Variants in NCAPD3 observed in about 807,000 individuals in gnomAD.
The protein encoded by NCAPD3 is condensin-2 complex subunit D3.
In NCAPD3, 105 loss-of-function variants were observed where a neutral mutation model predicts 182.9. The observed-to-expected ratio is 0.57, with a 90% CI of 0.49 to 0.68. The LOEUF (loss-of-function observed/expected upper bound fraction) is 0.68. NCAPD3 is among the 30% of genes least tolerant of loss of function. NCAPD3 has a pLI of 0.00. For synonymous variants in NCAPD3, 815 were observed against 679.9 expected, an observed-to-expected ratio of 1.20 and a Z score of -3.09; for missense variants, 1,944 against 1,837.0, an observed-to-expected ratio of 1.06 and a Z score of -1.07.
At chr11:134,180,733 C>A (rs1467169664) in intron 20 of NCAPD3, among the ~76,000 whole-genome samples, 1 of 152,006 alleles carries the variant, frequency 6.6e-6, no homozygotes, top group East Asian at 1.9e-4. Flanking sequence ...ACACACAAAC[C>A]AAAAACACTA....
chr11:134,217,918 G>A (rs776793966), intron 2 of NCAPD3, among the ~76,000 whole-genome samples: 1 of 152,060 alleles, frequency 6.6e-6, no homozygotes, highest in African/African-American at 2.4e-5. Flanking sequence ...GGGCAACAAA[G>A]CAAGACCTTG....
intron 24 of NCAPD3, among the ~76,000 whole-genome samples, chr11:134,175,219 G>A (rs1465619177): frequency 6.6e-6 from 1 of 152,170 alleles, no homozygotes; most frequent in Non-Finnish European, 1.5e-5. Flanking sequence ...AGGAAATGCA[G>A]GTTAAGTAAC....
intron 24 of NCAPD3, among the ~76,000 whole-genome samples, chr11:134,176,050 C>G (rs1333897243): frequency 6.6e-6 from 1 of 151,680 alleles, no homozygotes. Flanking sequence ...CCTTCAGGAA[C>G]AGCAAACACT....
Position 134,204,832 on chromosome 11 carries a change from C to G in NCAPD3, c.1089+67G>C. Reference sequence around the variant, plus strand: ...GAACAAATACCCACACTCACACACACACACACACATTTATCTTCACACACG... The same window carrying G: ...GAACAAATACCCACACTCACACACAGACACACACATTTATCTTCACACACG... On this transcript the variant is annotated intron_variant, in intron 9 of 34. Transcript: ENST00000534548. The surrounding 1 kb of genome is among the most constrained non-coding windows in gnomAD (Gnocchi z 4.3). 7.5e-7 allele frequency: 1 copy of G among 1,328,154 alleles called. No homozygotes were observed. Among genetic ancestry groups the G allele is most frequent in the African/African-American group, 1.5e-5 (1 of 68,600 alleles). The allele number at this position is 1,328,154 out of a possible 1,614,324, so 82.3% of individuals were successfully genotyped here. A position where few individuals can be genotyped will look rare whatever the true frequency, so the allele number is the denominator to read the frequency against.
chr11:134,164,352 C>A (rs1482661921), intron 27 of NCAPD3, among the ~76,000 whole-genome samples: 1 of 152,202 alleles, frequency 6.6e-6, no homozygotes, highest in Non-Finnish European at 1.5e-5. Context: ...TCAGAGACAC[C>A]CGGAGCACGT....
intron 27 of NCAPD3, among the ~76,000 whole-genome samples, chr11:134,167,757 G>C (rs1418377290): frequency 1.5e-5 from 2 of 132,696 alleles, no homozygotes; most frequent in Admixed American, 1.6e-4. Flanking sequence ...AGGGAGAGCA[G>C]CACACTCACT....
chr11:134,168,861 G>T, intron 25 of NCAPD3, 56 bp downstream of exon 25: 1 of 1,570,446 alleles, frequency 6.4e-7, no homozygotes, highest in East Asian at 2.2e-5. Context: ...AACCTCCCCT[G>T]ATTCCCCCAG....
At chr11:134,197,414 T>C (rs1208831538) in intron 13 of NCAPD3, among the ~76,000 whole-genome samples, 1 of 151,718 alleles carries the variant, frequency 6.6e-6, no homozygotes, top group Non-Finnish European at 1.5e-5. Flanking sequence ...GTAGCTGAGA[T>C]TACAGGCACC....
chr11:134,182,770 T>C (rs968190396), intron 19 of NCAPD3, among the ~76,000 whole-genome samples: 5 of 152,214 alleles, frequency 3.3e-5, no homozygotes, highest in African/African-American at 9.7e-5. Flanking sequence ...AGCTATATCT[T>C]TGGGTAATCT....
chr11:134,168,819 G>T, intron 25 of NCAPD3, 98 bp downstream of exon 25: 6 of 1,473,816 alleles, frequency 4.1e-6, no homozygotes, highest in Non-Finnish European at 4.6e-6. Flanking sequence ...CTGGGGCAGG[G>T]TCTGCGTCCA....
chr11:134,214,138 G>A (rs1591863787), intron 3 of NCAPD3, among the ~76,000 whole-genome samples: 1 of 148,230 alleles, frequency 6.7e-6, no homozygotes, highest in Non-Finnish European at 1.5e-5. Flanking sequence ...AAGTGCAAAT[G>A]GAAGATTCAC....
At chr11:134,190,352 C>G (rs1944497535) in intron 16 of NCAPD3, among the ~76,000 whole-genome samples, 1 of 152,218 alleles carries the variant, frequency 6.6e-6, no homozygotes, top group African/African-American at 2.4e-5. Flanking sequence ...CTCAGTTAAT[C>G]ATCCTCATAT....
intron 24 of NCAPD3, among the ~76,000 whole-genome samples, chr11:134,175,377 A>G (rs1247085346): frequency 6.6e-6 from 1 of 152,234 alleles, no homozygotes; most frequent in African/African-American, 2.4e-5. Context: ...GCTATCTAAA[A>G]AAAGGTGACA....
At chr11:134,184,255 C>A (rs1250879273) in intron 19 of NCAPD3, among the ~76,000 whole-genome samples, 1 of 152,208 alleles carries the variant, frequency 6.6e-6, no homozygotes, top group Non-Finnish European at 1.5e-5. Flanking sequence ...AGGTCAGAAA[C>A]CTGTTCTGGA....
chr11:134,213,227 G>A (rs531923861), intron 3 of NCAPD3, among the ~76,000 whole-genome samples: 1 of 152,246 alleles, frequency 6.6e-6, no homozygotes, highest in South Asian at 2.1e-4. Context: ...TGTAGTTCCA[G>A]CTATTCTGGA....
intron 25 of NCAPD3, 150 bp from the exon 26 acceptor site, chr11:134,168,752 G>A: frequency 7.3e-7 from 1 of 1,378,310 alleles, no homozygotes; most frequent in Non-Finnish European, 9.9e-7. Flanking sequence ...CTGCCCTTAG[G>A]AAGCGATTCT....
intron 15 of NCAPD3, 107 bp downstream of exon 15, chr11:134,193,909 T>TC: frequency 8.6e-7 from 1 of 1,162,728 alleles, no homozygotes; most frequent in South Asian, 1.5e-5. Flanking sequence ...GTGGACTTAG[T>TC]AGAGTTTTTA....
intron 24 of NCAPD3, among the ~76,000 whole-genome samples, chr11:134,172,247 A>G (rs1006204586): frequency 6.6e-6 from 1 of 152,136 alleles, no homozygotes; most frequent in African/African-American, 2.4e-5. Flanking sequence ...CCCCATGCAG[A>G]TGAGCTACTG....
At chr11:134,153,757 G>A (rs556932642) in intron 32 of NCAPD3, 13 of 241,510 alleles carry the variant, frequency 5.4e-5, no homozygotes, top group South Asian at 1.2e-4. Flanking sequence ...ACCTCCACGC[G>A]TGCCTGCTGG....
Sources: gnomAD v4.1 joint callset for allele counts (sites outside exome capture counted in the v4.1 genomes callset) on GRCh38, gnomAD v4.1.1 for gene constraint, Gnocchi (gnomAD v3.1) non-coding constraint, MANE v1.5 for transcripts, NCBI Gene and HGNC (gene_info 2026-07-23, HGNC 2026-07-21) for gene names.